Variants in DIS3L2 observed in about 807,000 individuals in gnomAD.
DIS3L2 encodes the protein DIS3-like exonuclease 2.
Under a neutral mutation model 97.5 loss-of-function variants are expected in DIS3L2, and 34 were observed. The observed-to-expected ratio is 0.35, with a 90% CI of 0.27 to 0.46. DIS3L2 has a LOEUF of 0.46. Ranked by LOEUF, DIS3L2 falls within the 20% of genes least tolerant of loss-of-function variation. The pLI is 1.00. For missense variants in DIS3L2, 1,038 were observed against 1,146.0 expected, an observed-to-expected ratio of 0.91 and a Z score of 1.36; for synonymous variants, 435 against 445.2, an observed-to-expected ratio of 0.98 and a Z score of 0.29.
intron 15 of DIS3L2, among the ~76,000 whole-genome samples, chr2:232,330,358 G>T (rs770942389): frequency 7.9e-5 from 12 of 152,218 alleles, no homozygotes; most frequent in Admixed American, 4.6e-4. Flanking sequence ...CTCCCTGCCT[G>T]GGGCAAAGCT....
chr2:232,200,684 ATAT>A (rs986327741), intron 9 of DIS3L2, among the ~76,000 whole-genome samples: 1 of 152,020 alleles, frequency 6.6e-6, no homozygotes, highest in Non-Finnish European at 1.5e-5. Flanking sequence ...AATGTAGGAG[ATAT>A]TATAGGATTA....
chr2:232,335,360 C>A (rs565504885), intron 19 of DIS3L2: 3 of 212,644 alleles, frequency 1.4e-5, no homozygotes, highest in South Asian at 1.7e-4. Flanking sequence ...ACGACAGAGT[C>A]CCCCTGCGGA....
chr2:232,171,801 T>A (rs1275234993), intron 9 of DIS3L2, among the ~76,000 whole-genome samples: 1 of 152,144 alleles, frequency 6.6e-6, no homozygotes, highest in Non-Finnish European at 1.5e-5. Flanking sequence ...ACCTTCTTAA[T>A]TGTAAGTATT....
At chr2:232,157,866 C>T (rs1043216332) in intron 8 of DIS3L2, among the ~76,000 whole-genome samples, 1 of 152,192 alleles carries the variant, frequency 6.6e-6, no homozygotes, top group African/African-American at 2.4e-5. Context: ...GCAAGCACTG[C>T]AGCGATGGGG....
chr2:232,242,654 T>C (rs888652709), intron 11 of DIS3L2, among the ~76,000 whole-genome samples: 44 of 152,342 alleles, frequency 2.9e-4, no homozygotes, highest in African/African-American at 9.9e-4. Context: ...TATAGTCTTG[T>C]TGGTACCCCC....
At chr2:232,005,127 T>C (rs1455441888) in intron 1 of DIS3L2, among the ~76,000 whole-genome samples, 1 of 151,990 alleles carries the variant, frequency 6.6e-6, no homozygotes, top group African/African-American at 2.4e-5. Flanking sequence ...AATATTATTT[T>C]ATGTAGACTC....
At chr2:232,082,909 G>A (rs1055364672) in intron 5 of DIS3L2, among the ~76,000 whole-genome samples, 9 of 152,126 alleles carry the variant, frequency 5.9e-5, no homozygotes, top group African/African-American at 1.7e-4. Flanking sequence ...ACATTTCCAC[G>A]TGGCTGGGGA....
chr2:232,082,392 G>A (rs1696428945), intron 5 of DIS3L2, among the ~76,000 whole-genome samples: 2 of 152,308 alleles, frequency 1.3e-5, no homozygotes, highest in Non-Finnish European at 1.5e-5. Context: ...CAGGAGGTGA[G>A]CAGTGGGCAA....
At chr2:231,970,832 T>C (rs1003554353) in intron 1 of DIS3L2, among the ~76,000 whole-genome samples, 5 of 152,212 alleles carry the variant, frequency 3.3e-5, no homozygotes, top group African/African-American at 7.2e-5. Context: ...TTTTATATTT[T>C]GATTCTTATA....
Position 232,051,441 on chromosome 2 carries a change from T to G in DIS3L2, c.366+21361T>G, listed in dbSNP as rs564571570. On this transcript the variant is annotated intron_variant, in intron 5 of 20. Transcript: ENST00000325385. ...GGATTGTTTATTGTGATGTAAACTT[T>G]TACGACTAGGAAGACCAAAAACACA... Among the ~76,000 whole-genome samples, 25 of 152,320 alleles carry G rather than the reference T, an allele frequency of 1.6e-4. 1 individual carries two copies. The South Asian group carries it at 5.0e-3, about 30-fold the overall frequency.
At chr2:232,008,697 A>C (rs1283033758) in intron 1 of DIS3L2, among the ~76,000 whole-genome samples, 1 of 152,162 alleles carries the variant, frequency 6.6e-6, no homozygotes, top group Non-Finnish European at 1.5e-5. Flanking sequence ...TCCCATGTGC[A>C]GGCTGAGGAT....
intron 10 of DIS3L2, among the ~76,000 whole-genome samples, chr2:232,237,970 G>A (rs1361075966): frequency 6.6e-6 from 1 of 152,140 alleles, no homozygotes; most frequent in Non-Finnish European, 1.5e-5. Context: ...GTTGCTTGGG[G>A]TGTGACCCTG....
At chr2:232,117,793 C>T (rs1158105031) in intron 6 of DIS3L2, among the ~76,000 whole-genome samples, 1 of 152,238 alleles carries the variant, frequency 6.6e-6, no homozygotes, top group Admixed American at 6.5e-5. Context: ...TCGCCATCTC[C>T]TGTGAAAAGG....
At chr2:232,333,268 C>T (rs1345131185) in intron 16 of DIS3L2, among the ~76,000 whole-genome samples, 1 of 147,810 alleles carries the variant, frequency 6.8e-6, no homozygotes, top group Non-Finnish European at 1.5e-5. Flanking sequence ...CTGTCGCCTC[C>T]TCCTCCTCCT....
At chr2:232,092,748 A>G (rs1174778673) in intron 6 of DIS3L2, among the ~76,000 whole-genome samples, 1 of 152,156 alleles carries the variant, frequency 6.6e-6, no homozygotes, top group Non-Finnish European at 1.5e-5. Context: ...TTGATTTTAT[A>G]TCCTAAAAGT....
At chr2:232,263,488 G>A (rs765929193) in intron 13 of DIS3L2, 48 bp downstream of exon 13, 1 of 1,593,032 alleles carries the variant, frequency 6.3e-7, no homozygotes, top group Non-Finnish European at 8.6e-7. Flanking sequence ...ACTCGTGCCT[G>A]AACCCAGCGT....
At chr2:232,068,997 A>G (rs1294497014) in intron 5 of DIS3L2, among the ~76,000 whole-genome samples, 2 of 151,934 alleles carry the variant, frequency 1.3e-5, no homozygotes, top group African/African-American at 4.8e-5. Context: ...TTATATTTGT[A>G]TTAGAGACAG....
intron 13 of DIS3L2, among the ~76,000 whole-genome samples, chr2:232,271,539 A>G (rs116623873): frequency 0.021 from 3,171 of 152,318 alleles, 103 homozygotes; most frequent in African/African-American, 0.071. Context: ...TCAACCGTGG[A>G]GATAGTTCTA....
chr2:232,181,530 T>G (rs1292405023), intron 9 of DIS3L2, among the ~76,000 whole-genome samples: 1 of 152,206 alleles, frequency 6.6e-6, no homozygotes, highest in African/African-American at 2.4e-5. Flanking sequence ...TTCTTTTTTC[T>G]CTAAACTTCC....
Sources: gnomAD v4.1 joint callset for allele counts (sites outside exome capture counted in the v4.1 genomes callset) on GRCh38, gnomAD v4.1.1 for gene constraint, MANE v1.5 for transcripts, NCBI Gene and HGNC (gene_info 2026-07-23, HGNC 2026-07-21) for gene names.